Variants in SCLT1 observed in about 807,000 individuals in gnomAD.
SCLT1 encodes the protein sodium channel and clathrin linker 1, also known as sodium channel-associated protein 1.
Under a neutral mutation model 112.8 loss-of-function variants are expected in SCLT1, and 78 were observed. The ratio of observed to expected loss-of-function variants is 0.69; its 90% CI spans 0.58 to 0.83. The LOEUF is 0.83. Among genes scored for constraint, SCLT1 ranks in the 40% least tolerant of loss-of-function variants. SCLT1 has a pLI of 0.00. For missense variants in SCLT1, 747 were observed against 770.4 expected (o/e 0.97, Z 0.36); for synonymous variants, 257 against 254.7 (o/e 1.01, Z -0.09).
intron 2 of SCLT1, among the ~76,000 whole-genome samples, chr4:129,078,358 C>T (rs984347042): frequency 2.0e-5 from 3 of 152,028 alleles, no homozygotes; most frequent in Admixed American, 6.6e-5. Flanking sequence ...GATGCATTAC[C>T]GTGGCCAGAG....
chr4:129,062,292 G>A (rs553077249), intron 2 of SCLT1, among the ~76,000 whole-genome samples: 7 of 152,030 alleles, frequency 4.6e-5, no homozygotes, highest in East Asian at 1.9e-4. Flanking sequence ...ACTCACTCTC[G>A]GTTATTTTTG....
At chr4:128,882,109 C>T (rs1732655339), downstream of SCLT1, among the ~76,000 whole-genome samples, 1 of 152,036 alleles carries the variant, frequency 6.6e-6, no homozygotes, top group Admixed American at 6.6e-5. Flanking sequence ...TACTTATATT[C>T]CATTTGCTAG....
At chr4:128,975,993 C>CT (rs1387593637) in intron 9 of SCLT1, among the ~76,000 whole-genome samples, 1 of 152,160 alleles carries the variant, frequency 6.6e-6, no homozygotes, top group East Asian at 1.9e-4. Context: ...AAAACAGTGG[C>CT]TCTTCAGTTT....
intron 2 of SCLT1, among the ~76,000 whole-genome samples, chr4:129,048,376 G>A (rs1322362933): frequency 6.6e-6 from 1 of 151,640 alleles, no homozygotes; most frequent in East Asian, 1.9e-4. Flanking sequence ...CAAGCAATGG[G>A]GAAAGGATTC....
chr4:129,032,687 C>T (rs192963276), intron 5 of SCLT1, among the ~76,000 whole-genome samples: 10 of 152,084 alleles, frequency 6.6e-5, no homozygotes, highest in Admixed American at 5.9e-4. Context: ...TATGAACAGA[C>T]ACTTCTCAAA....
chr4:129,068,535 C>T (rs1750697032), intron 2 of SCLT1, among the ~76,000 whole-genome samples: 2 of 152,010 alleles, frequency 1.3e-5, no homozygotes, highest in Admixed American at 1.3e-4. Flanking sequence ...GAGAATTTGT[C>T]TATATGTATA....
At chr4:129,047,037 T>C (rs756984502) in intron 2 of SCLT1, among the ~76,000 whole-genome samples, 6 of 152,152 alleles carry the variant, frequency 3.9e-5, no homozygotes, top group Non-Finnish European at 5.9e-5. Flanking sequence ...TCTAGATTTT[T>C]GCAAGATTAC....
chr4:128,936,783 T>C lies in SCLT1; in HGVS notation c.1701A>G (p.Glu567=). The part of the protein sequence containing the change: ...RGFEVQLREM[E]DSNRNSIVEL... Reference sequence around the variant, plus strand: ...CAACAATGGAATTTCTATTACTGTCTTCCATCTCTCTCAATTGAACTTCAA... The same window carrying C: ...CAACAATGGAATTTCTATTACTGTCCTCCATCTCTCTCAATTGAACTTCAA... The change falls in exon 18 of 21, where the codon GAA becomes GAG. Residue 567 remains glutamate, a synonymous_variant. Transcript: ENST00000281142. The C allele has an allele frequency of 6.2e-7, 1 of 1,608,834 alleles. No individual in the cohort carries two copies. The highest frequency in any genetic ancestry group is 8.5e-7 in the Non-Finnish European group (1 of 1,175,652).
chr4:129,062,851 T>C (rs1750112748), intron 2 of SCLT1, among the ~76,000 whole-genome samples: 2 of 152,236 alleles, frequency 1.3e-5, no homozygotes, highest in Non-Finnish European at 2.9e-5. Context: ...TTGATTATAA[T>C]GTGCCTGAGT....
rs1453111025 is a variant in SCLT1, at chr4:128,957,051, T to C, written c.1121A>G (p.Asp374Gly). Residue 374 changes from aspartate (D) to glycine (G), a missense_variant, in exon 13 of 21, where the codon GAT becomes GGT. Coordinates refer to ENST00000281142, the MANE Select transcript of SCLT1 (RefSeq NM_144643.4). ...MKETVSRFVQ[D>G]ATIRTKKEVA... ...TTCTTTCTTGGTTCTTATGGTAGCA[T>C]CTTGTACAAACCGAGAAACTGTCTC... The C allele has an allele frequency of 1.9e-6, 3 of 1,596,460 alleles. No homozygotes were observed. The highest frequency in any genetic ancestry group is 2.6e-6 in the Non-Finnish European group (3 of 1,168,564).
intron 10 of SCLT1, among the ~76,000 whole-genome samples, chr4:128,965,959 G>A (rs1740147551): frequency 6.6e-6 from 1 of 151,108 alleles, no homozygotes; most frequent in Non-Finnish European, 1.5e-5. Context: ...AGCCTCCCGA[G>A]TAGCTGGGAT....
intron 1 of SCLT1, 113 bp from the exon 2 acceptor site, chr4:129,082,486 C>CT: frequency 2.0e-6 from 1 of 499,876 alleles, no homozygotes; most frequent in Non-Finnish European, 3.5e-6. Context: ...GTCTTCACTG[C>CT]TTCTCAAAAT....
At chr4:129,017,703 A>G (rs1326859521) in intron 5 of SCLT1, among the ~76,000 whole-genome samples, 1 of 152,218 alleles carries the variant, frequency 6.6e-6, no homozygotes, top group Non-Finnish European at 1.5e-5. Context: ...AAGGAAAATA[A>G]AAAAGAGAAA....
chr4:129,084,663 C>T (rs1561068463), intron 1 of SCLT1, among the ~76,000 whole-genome samples: 1 of 152,034 alleles, frequency 6.6e-6, no homozygotes, highest in African/African-American at 2.4e-5. Flanking sequence ...GGTACTGGTG[C>T]AAAAAACAGA....
Position 128,907,267 on chromosome 4 carries a change from C to G in SCLT1, c.1830-16130G>C, listed in dbSNP as rs147199723. Among the ~76,000 whole-genome samples the G allele has an allele frequency of 1.8e-3, 281 of 152,234 alleles. 1 individual carries two copies. The highest frequency in any genetic ancestry group is 0.01 in the Middle Eastern group (3 of 294). On this transcript the variant is annotated intron_variant, in intron 18 of 20. Coordinates refer to ENST00000281142, the MANE Select transcript of SCLT1 (RefSeq NM_144643.4). The stretch of plus-strand genomic sequence containing the variant: ...AGAAGTGACGATTCGATTTGAACAT[C>G]AGGAAATCTTGCTGACTGTAGCAGG...
intron 9 of SCLT1, among the ~76,000 whole-genome samples, chr4:128,989,813 T>C (rs1433921483): frequency 1.3e-5 from 2 of 151,742 alleles, no homozygotes; most frequent in African/African-American, 4.8e-5. Context: ...TAAGAAACTA[T>C]TATGAGCAAC....
At chr4:128,931,390 C>T (rs908362169) in intron 18 of SCLT1, among the ~76,000 whole-genome samples, 3 of 152,004 alleles carry the variant, frequency 2.0e-5, no homozygotes, top group African/African-American at 4.8e-5. Context: ...CTTTTATTGT[C>T]GAGATTTGTT....
At chr4:128,916,562 T>C (rs753650048) in intron 18 of SCLT1, among the ~76,000 whole-genome samples, 6 of 152,302 alleles carry the variant, frequency 3.9e-5, no homozygotes, top group African/African-American at 7.2e-5. Context: ...CTTGAAGTCT[T>C]TACAGGACAT....
chr4:129,076,639 C>G (rs1751487334), intron 2 of SCLT1, among the ~76,000 whole-genome samples: 1 of 150,166 alleles, frequency 6.7e-6, no homozygotes, highest in Non-Finnish European at 1.5e-5. Flanking sequence ...GCGTAGATAA[C>G]AAAGAGGATT....
Sources: gnomAD v4.1 joint callset for allele counts (sites outside exome capture counted in the v4.1 genomes callset) on GRCh38, gnomAD v4.1.1 for gene constraint, MANE v1.5 for transcripts, NCBI Gene and HGNC (gene_info 2026-07-23, HGNC 2026-07-21) for gene names.